Variants in GSE1 observed in about 807,000 individuals in gnomAD.
The protein encoded by GSE1 is Gse1 coiled-coil protein, also known as genetic suppressor element 1.
A neutral mutation model predicts 112.6 loss-of-function variants in GSE1; 32 were observed. The ratio of observed to expected loss-of-function variants is 0.28; its 90% CI spans 0.21 to 0.38. The LOEUF (loss-of-function observed/expected upper bound fraction) is 0.38, where lower values mean the gene tolerates loss of function less well. Ranked by LOEUF, GSE1 falls within the 10% of genes least tolerant of loss-of-function variation. GSE1 has a pLI of 1.00. For synonymous variants in GSE1, 1,115 were observed against 735.6 expected (o/e 1.52, Z -8.35); for missense variants, 2,348 against 1,699.2 (o/e 1.38, Z -6.71).
At chr16:85,256,293 C>T (rs1454364638) in intron 1 of GSE1, among the ~76,000 whole-genome samples, 1 of 152,160 alleles carries the variant, frequency 6.6e-6, no homozygotes, top group African/African-American at 2.4e-5. Context: ...ATGACAACAG[C>T]CAGCACCTGT....
intron 2 of GSE1, among the ~76,000 whole-genome samples, chr16:85,522,979 T>C (rs1272552203): frequency 6.6e-6 from 1 of 152,106 alleles, no homozygotes; most frequent in Non-Finnish European, 1.5e-5. Context: ...GTGTGTATGA[T>C]TGTGCATTGT....
At chr16:85,610,620 C>T (rs1478509731), upstream of GSE1, among the ~76,000 whole-genome samples, 1 of 152,236 alleles carries the variant, frequency 6.6e-6, no homozygotes. Context: ...CTCCCCCTTG[C>T]CAGCCCGCCT....
intron 2 of GSE1, among the ~76,000 whole-genome samples, chr16:85,504,351 G>C (rs1216972164): frequency 6.6e-6 from 1 of 152,226 alleles, no homozygotes; most frequent in Non-Finnish European, 1.5e-5. Flanking sequence ...GCAGAATTGT[G>C]GAGCCCTGAT....
At chr16:85,346,242 TGATG>T (rs1178932007) in intron 1 of GSE1, among the ~76,000 whole-genome samples, 1 of 143,460 alleles carries the variant, frequency 7.0e-6, no homozygotes, top group Admixed American at 6.9e-5. Context: ...GGTGGGTGGA[TGATG>T]GATGGATGGA....
At chr16:85,551,050 G>T (rs139001276), upstream of GSE1, among the ~76,000 whole-genome samples, 1 of 152,166 alleles carries the variant, frequency 6.6e-6, no homozygotes, top group East Asian at 1.9e-4. Flanking sequence ...GAGGTGCGGG[G>T]TGAGTTTGCC....
chr16:85,259,700 C>T (rs1366418650), intron 1 of GSE1, among the ~76,000 whole-genome samples: 2 of 152,178 alleles, frequency 1.3e-5, no homozygotes, highest in African/African-American at 4.8e-5. Flanking sequence ...GTCCCGAGGG[C>T]AGGGCTGTGC....
At chr16:85,171,290 C>T (rs987367614) in exon 1 of GSE1, 3 of 985,488 alleles carry the variant, frequency 3.0e-6, no homozygotes, top group South Asian at 4.7e-5. Context: ...CAGGGCGGCC[C>T]CGTGTCCATC....
At chr16:85,367,864 T>TC (rs1555571157) in intron 2 of GSE1, among the ~76,000 whole-genome samples, 14 of 150,856 alleles carry the variant, frequency 9.3e-5, no homozygotes, top group Non-Finnish European at 1.2e-4. Flanking sequence ...TTTTTTTTTT[T>TC]CCGAGATGGA....
chr16:85,265,307 C>T (rs772817251), intron 1 of GSE1, among the ~76,000 whole-genome samples: 21 of 152,170 alleles, frequency 1.4e-4, no homozygotes, highest in African/African-American at 1.2e-4. Context: ...GTTTCATAAA[C>T]GGAACAGAAA....
chr16:85,576,436 C>G (rs959065698), intron 1 of GSE1, among the ~76,000 whole-genome samples: 1 of 152,188 alleles, frequency 6.6e-6, no homozygotes, highest in African/African-American at 2.4e-5. Flanking sequence ...AAACGCTGCC[C>G]CTTCCACACT....
At chr16:85,251,062 G>A (rs1429000503) in intron 1 of GSE1, among the ~76,000 whole-genome samples, 1 of 152,184 alleles carries the variant, frequency 6.6e-6, no homozygotes, top group East Asian at 1.9e-4. Context: ...CTGTTCATCC[G>A]TGGATGGATG....
chr16:85,241,147 A>AGCTGCGTGACCTTGGGCTCG (rs200217106), intron 1 of GSE1, among the ~76,000 whole-genome samples: 1 of 151,652 alleles, frequency 6.6e-6, no homozygotes, highest in Admixed American at 6.6e-5. Flanking sequence ...GATACTTCCT[A>AGCTGCGTGACCTTGGGCTCG]GCTGCGTGAC....
intron 2 of GSE1, among the ~76,000 whole-genome samples, chr16:85,506,621 C>A (rs552836059): frequency 3.9e-5 from 6 of 151,956 alleles, no homozygotes; most frequent in African/African-American, 1.2e-4. Context: ...TCTCATGGGT[C>A]GGGTGTTTTC....
chr16:85,371,618 C>T (rs1044592479), intron 2 of GSE1, among the ~76,000 whole-genome samples: 1 of 152,206 alleles, frequency 6.6e-6, no homozygotes, highest in Non-Finnish European at 1.5e-5. Context: ...CACATCCCAG[C>T]TGCCTCTGCT....
At chr16:85,253,070 C>CCCCCCCCA (rs1906675101) in intron 1 of GSE1, among the ~76,000 whole-genome samples, 1 of 57,072 alleles carries the variant, frequency 1.8e-5, no homozygotes. Flanking sequence ...CCCCCCCCCA[C>CCCCCCCCA]CCCCCCCCCC....
intron 1 of GSE1, among the ~76,000 whole-genome samples, chr16:85,624,887 G>A (rs925668843): frequency 5.3e-5 from 8 of 152,222 alleles, no homozygotes; most frequent in African/African-American, 1.9e-4. Flanking sequence ...CCCCGGCTCT[G>A]TCTCAGCTGA....
At chr16:85,625,965 A>G (rs1243879099) in intron 1 of GSE1, among the ~76,000 whole-genome samples, 1 of 151,874 alleles carries the variant, frequency 6.6e-6, no homozygotes, top group African/African-American at 2.4e-5. Context: ...GCCCCCGCCC[A>G]CCTGCTTGTG....
Position 85,361,665 on chromosome 16 carries a change from C to T in GSE1, c.2464+4022C>T, listed in dbSNP as rs189092286. ...GACCCCCACTTCCCTGGAAATGCCT[C>T]GTACGTGGGGACAGCAGCTTTTGCC... On this transcript the variant is annotated intron_variant, in intron 2 of 2. Coordinates refer to the GSE1 transcript ENST00000637419. Among the ~76,000 whole-genome samples the T allele has an allele frequency of 9.7e-4, 148 of 152,326 alleles. 1 individual carries two copies. Among genetic ancestry groups the T allele is most frequent in the Admixed American group, 2.5e-3 (38 of 15,304 alleles).
rs779695319 is a variant in GSE1, at chr16:85,666,083, C to T, written c.2866C>T (p.Arg956Trp). 2.2e-5 allele frequency: 36 copies of T among 1,613,134 alleles called. No homozygotes were observed. Among genetic ancestry groups the T allele is most frequent in the Middle Eastern group, 1.6e-4 (1 of 6,084 alleles). Residue 956 changes from arginine to tryptophan, a missense_variant, in exon 13 of 16, where the codon CGG becomes TGG. Arg to Trp is a moderately radical substitution (Grantham distance 101). Transcript: ENST00000253458. ...GGAGCCTGGGAAGCTGGAACAGGTCCGGCCCCAGGAGCTGTCGAGAGTCCA... is the reference window on the plus strand; with the variant it reads ...GGAGCCTGGGAAGCTGGAACAGGTCTGGCCCCAGGAGCTGTCGAGAGTCCA... Reference protein sequence around the residue: ...AAEPGKLEQVRPQELSRVQEL... With the variant: ...AAEPGKLEQVWPQELSRVQEL...
Sources: allele counts gnomAD v4.1 joint callset (sites outside exome capture counted in the v4.1 genomes callset), GRCh38; gene constraint gnomAD v4.1.1; transcripts MANE v1.5; gene names NCBI Gene and HGNC (gene_info 2026-07-23, HGNC 2026-07-21).